Variants in NLGN4Y observed in about 807,000 individuals in gnomAD.
NLGN4Y encodes the protein neuroligin-4, Y-linked.
Under a neutral mutation model 8.4 loss-of-function variants are expected in NLGN4Y, and 4 were observed. The observed-to-expected ratio is 0.48, with a 90% CI of 0.23 to 1.09. The LOEUF is 1.09. Ranked by LOEUF, NLGN4Y falls within the 50% of genes least tolerant of loss-of-function variation. NLGN4Y has a pLI of 0.19. For missense variants in NLGN4Y, 90 were observed against 192.3 expected (o/e 0.47, Z 3.15); for synonymous variants, 35 against 75.6 (o/e 0.46, Z 2.78).
intron 1 of NLGN4Y, among the ~76,000 whole-genome samples, chrY:14,553,111 A>G: frequency 1.8e-4 from 6 of 33,301 alleles, no homozygotes; most frequent in Admixed American, 1.7e-3. Flanking sequence ...AATCACATGC[A>G]TTCCTATACC....
chrY:14,534,922 G>C, intron 1 of NLGN4Y, among the ~76,000 whole-genome samples: 1 of 32,812 alleles, frequency 3.0e-5, no homozygotes, highest in African/African-American at 1.2e-4. Context: ...CCAAATATTA[G>C]CAGGTAGGTT....
intron 1 of NLGN4Y, among the ~76,000 whole-genome samples, chrY:14,526,098 T>C (rs2080092843): frequency 3.0e-5 from 1 of 33,753 alleles, no homozygotes; most frequent in African/African-American, 1.2e-4. Flanking sequence ...TTGCTTTCAA[T>C]GAACGCACTG....
At chrY:14,674,108 CGCACCAGCATG>C (rs2080737408) in intron 2 of NLGN4Y, among the ~76,000 whole-genome samples, 1 of 30,327 alleles carries the variant, frequency 3.3e-5, no homozygotes, top group Non-Finnish European at 7.8e-5. Context: ...GTGGGTGCAG[CGCACCAGCATG>C]GCACATGAAT....
intron 2 of NLGN4Y, among the ~76,000 whole-genome samples, chrY:14,703,295 G>A (rs1603502938): frequency 3.0e-5 from 1 of 33,502 alleles, no homozygotes; most frequent in African/African-American, 1.2e-4. Context: ...ATGGTTTTAG[G>A]TCTAACATTT....
chrY:14,653,520 C>T (rs2080637119), intron 2 of NLGN4Y, among the ~76,000 whole-genome samples: 1 of 32,344 alleles, frequency 3.1e-5, no homozygotes, highest in East Asian at 8.1e-4. Context: ...GCTAGGATTA[C>T]AGGTGCACAC....
chrY:14,802,652 TATA>T (rs2043037508), intron 4 of NLGN4Y, among the ~76,000 whole-genome samples: 1 of 15,681 alleles, frequency 6.4e-5, no homozygotes, highest in Admixed American at 6.5e-4. Context: ...AAATATATAA[TATA>T]TATTAATTAT....
At chrY:14,733,717 G>A in intron 4 of NLGN4Y, among the ~76,000 whole-genome samples, 1 of 33,139 alleles carries the variant, frequency 3.0e-5, no homozygotes, top group Non-Finnish European at 7.4e-5. Context: ...TGGCCACTTC[G>A]GGGCAGGCAG....
intron 1 of NLGN4Y, among the ~76,000 whole-genome samples, chrY:14,575,367 C>T: frequency 3.0e-5 from 1 of 33,609 alleles, no homozygotes; most frequent in African/African-American, 1.2e-4. Flanking sequence ...ACCCCTTCTT[C>T]CAGTTGATCA....
chrY:14,581,347 C>T (rs2080319383), intron 1 of NLGN4Y, among the ~76,000 whole-genome samples: 1 of 32,003 alleles, frequency 3.1e-5, no homozygotes, highest in Non-Finnish European at 7.6e-5. Flanking sequence ...GCTTTAAGGA[C>T]ATTCTAAGAG....
intron 1 of NLGN4Y, among the ~76,000 whole-genome samples, chrY:14,556,171 A>C (rs762804691): frequency 3.0e-5 from 1 of 32,815 alleles, no homozygotes; most frequent in South Asian, 6.9e-4. Context: ...CAAAGAAAAA[A>C]TGGTGGATAG....
Position 14,524,640 on chromosome Y carries a change from C to T in NLGN4Y, c.-180C>T, listed in dbSNP as rs1317541932. The T allele has an allele frequency of 8.2e-6, 1 of 121,988 alleles. No individual in the cohort carries two copies. Among genetic ancestry groups the T allele is most frequent in the South Asian group, 3.9e-5 (1 of 25,762 alleles). 30.4% of individuals were successfully genotyped at this position (121,988 alleles called of 400,897 possible). A position where few individuals can be genotyped will look rare whatever the true frequency, so the allele number is the denominator to read the frequency against. ...CCCCACTGCCACGGCTGGGGCAACCCAACCCGCGCCTGAAGCGGCTTGGCT... is the reference window on the plus strand; with the variant it reads ...CCCCACTGCCACGGCTGGGGCAACCTAACCCGCGCCTGAAGCGGCTTGGCT... On this transcript the variant is annotated 5_prime_UTR_variant, in exon 1 of 7. Transcript: ENST00000684976.
At chrY:14,535,707 A>C in intron 1 of NLGN4Y, among the ~76,000 whole-genome samples, 1 of 32,105 alleles carries the variant, frequency 3.1e-5, no homozygotes, top group Non-Finnish European at 7.6e-5. Flanking sequence ...GCAGCTTGAA[A>C]TTGCAGCTTG....
chrY:14,785,445 G>A (rs2042959043), intron 4 of NLGN4Y, among the ~76,000 whole-genome samples: 1 of 34,094 alleles, frequency 2.9e-5, no homozygotes, highest in African/African-American at 1.1e-4. Context: ...ATCCAGTATG[G>A]ATAATAAAGG....
intron 2 of NLGN4Y, among the ~76,000 whole-genome samples, chrY:14,643,901 G>A (rs2080600721): frequency 3.0e-5 from 1 of 33,475 alleles, no homozygotes; most frequent in African/African-American, 1.2e-4. Flanking sequence ...AAAAGCAAAG[G>A]AGGTCCTACT....
At chrY:14,540,985 G>T in intron 1 of NLGN4Y, among the ~76,000 whole-genome samples, 6 of 33,368 alleles carry the variant, frequency 1.8e-4, no homozygotes, top group African/African-American at 7.0e-4. Context: ...GCTTCAGAAC[G>T]TGGGTAATAG....
intron 6 of NLGN4Y, among the ~76,000 whole-genome samples, chrY:14,835,711 G>T: frequency 7.9e-5 from 2 of 25,232 alleles, no homozygotes; most frequent in Admixed American, 7.4e-4. Flanking sequence ...GGAAGAGAGG[G>T]AGAAAAAAGA....
intron 4 of NLGN4Y, among the ~76,000 whole-genome samples, chrY:14,783,040 T>G (rs2042948502): frequency 3.0e-5 from 1 of 33,707 alleles, no homozygotes; most frequent in South Asian, 6.5e-4. Flanking sequence ...CTGGATTTTG[T>G]CTTTTGAAAT....
At chrY:14,737,161 G>T in intron 4 of NLGN4Y, among the ~76,000 whole-genome samples, 2 of 33,321 alleles carry the variant, frequency 6.0e-5, no homozygotes, top group African/African-American at 1.2e-4. Flanking sequence ...GAATTCACAT[G>T]TCAGATGAGT....
intron 1 of NLGN4Y, among the ~76,000 whole-genome samples, chrY:14,536,408 G>A (rs2080134164): frequency 3.3e-5 from 1 of 30,522 alleles, no homozygotes; most frequent in Non-Finnish European, 7.9e-5. Context: ...CACCGCGCCC[G>A]GCTAATTTTT....
Sources: allele counts gnomAD v4.1 joint callset (sites outside exome capture counted in the v4.1 genomes callset), GRCh38; gene constraint gnomAD v4.1.1; transcripts MANE v1.5; gene names NCBI Gene and HGNC (gene_info 2026-07-23, HGNC 2026-07-21).